The following DLG2 variants were observed in gnomAD, a reference collection of about 807,000 sequenced individuals.
The protein encoded by DLG2 is discs large MAGUK scaffold protein 2.
A neutral mutation model predicts 132.5 loss-of-function variants in DLG2; 45 were observed. The ratio of observed to expected loss-of-function variants is 0.34; its 90% CI spans 0.27 to 0.44. DLG2 has a LOEUF of 0.44. DLG2 is among the 20% of genes least tolerant of loss of function. The pLI is 1.00. For synonymous variants in DLG2, 424 were observed against 419.6 expected (o/e 1.01, Z -0.13); for missense variants, 1,045 against 1,196.9 (o/e 0.87, Z 1.87).
chr11:83,886,036 T>C (rs938672195), intron 15 of DLG2, among the ~76,000 whole-genome samples: 3 of 152,132 alleles, frequency 2.0e-5, no homozygotes, highest in Non-Finnish European at 2.9e-5. Context: ...AGAAACTGCA[T>C]CAACTAACGA....
intron 3 of DLG2, among the ~76,000 whole-genome samples, chr11:85,315,151 G>A (rs1056509045): frequency 6.6e-6 from 1 of 152,014 alleles, no homozygotes; most frequent in Non-Finnish European, 1.5e-5. Context: ...AAGGAATTAA[G>A]TAACAGCACC....
chr11:84,251,252 C>G lies in DLG2; in HGVS notation c.559G>C (p.Asp187His). ...APIIVNTDTL[D>H]TIPYVNGTEI... ...AAGTTACTTACATAAGGAATTGTGTCCAAAGTATCTGTGTTGACAATTATA... is the reference window on the plus strand; with the variant it reads ...AAGTTACTTACATAAGGAATTGTGTGCAAAGTATCTGTGTTGACAATTATA... The change falls in exon 8 of 28, where the codon GAC becomes CAC. Residue 187 changes from aspartate to histidine, a missense_variant. This residue lies in a region of DLG2 where 277 missense variants were observed against 238.2 expected (regional missense o/e 1.16). Transcript: ENST00000376104. 2 of 1,584,176 alleles carry G rather than the reference C, an allele frequency of 1.3e-6. No homozygotes were observed. Among genetic ancestry groups the G allele is most frequent in the South Asian group, 1.2e-5 (1 of 83,882 alleles).
intron 21 of DLG2, among the ~76,000 whole-genome samples, chr11:83,520,864 C>T (rs2095462132): frequency 6.6e-6 from 1 of 152,206 alleles, no homozygotes; most frequent in Non-Finnish European, 1.5e-5. Context: ...ACATGTCCCA[C>T]TTTACATAGG....
chr11:85,071,552 T>C (rs1333456578), intron 6 of DLG2, among the ~76,000 whole-genome samples: 1 of 151,860 alleles, frequency 6.6e-6, no homozygotes, highest in Non-Finnish European at 1.5e-5. Context: ...AATATAAACC[T>C]TACTTTCTCT....
intron 3 of DLG2, among the ~76,000 whole-genome samples, chr11:85,584,452 T>C (rs2078834888): frequency 6.6e-6 from 1 of 152,098 alleles, no homozygotes; most frequent in South Asian, 2.1e-4. Context: ...AGTTATAAAT[T>C]GTGCTGCTAT....
chr11:84,688,515 C>T (rs7105836), intron 6 of DLG2, among the ~76,000 whole-genome samples: 18,211 of 152,128 alleles, frequency 0.12, 1,363 homozygotes, highest in African/African-American at 0.2. Context: ...TGAGCCCTTG[C>T]TCCCTTCCAA....
intron 7 of DLG2, among the ~76,000 whole-genome samples, chr11:84,529,552 A>C (rs1039343563): frequency 6.6e-6 from 1 of 152,194 alleles, no homozygotes; most frequent in African/African-American, 2.4e-5. Flanking sequence ...AATAGCCACA[A>C]AAAGAATAAA....
intron 7 of DLG2, among the ~76,000 whole-genome samples, chr11:84,312,984 G>T (rs2098305392): frequency 6.6e-6 from 1 of 150,426 alleles, no homozygotes; most frequent in Non-Finnish European, 1.5e-5. Flanking sequence ...CAATTTTTTT[G>T]TATTTTTAGT....
intron 3 of DLG2, among the ~76,000 whole-genome samples, chr11:85,515,253 T>A (rs183066041): frequency 3.4e-4 from 51 of 152,090 alleles, no homozygotes; most frequent in African/African-American, 1.2e-3. Context: ...ATATCTTGTT[T>A]ATACGACACA....
chr11:84,373,249 CAA>C (rs1397733901), intron 7 of DLG2, among the ~76,000 whole-genome samples: 1 of 41,664 alleles, frequency 2.4e-5, no homozygotes, highest in African/African-American at 1.3e-4. Flanking sequence ...AAGAAACAGT[CAA>C]AAAAAAAAAA....
At chr11:84,907,371 T>C (rs774332242) in intron 6 of DLG2, among the ~76,000 whole-genome samples, 6 of 152,108 alleles carry the variant, frequency 3.9e-5, no homozygotes, top group Admixed American at 2.0e-4. Flanking sequence ...TTTAATGAAA[T>C]TGAATAACAA....
chr11:84,044,511 C>T (rs1566189981), intron 11 of DLG2, among the ~76,000 whole-genome samples: 1 of 151,528 alleles, frequency 6.6e-6, no homozygotes, highest in Non-Finnish European at 1.5e-5. Context: ...CATTTTGTGC[C>T]TGAGCAATAG....
chr11:85,206,772 G>T (rs1250110422), intron 4 of DLG2, among the ~76,000 whole-genome samples: 3 of 152,086 alleles, frequency 2.0e-5, no homozygotes, highest in South Asian at 4.1e-4. Context: ...GGCAGAGCTT[G>T]CAGTGAGACG....
intron 6 of DLG2, among the ~76,000 whole-genome samples, chr11:84,581,135 T>A (rs186543780): frequency 1.9e-4 from 29 of 152,314 alleles, no homozygotes; most frequent in African/African-American, 6.0e-4. Flanking sequence ...TTACAAATAT[T>A]TGACGAATTG....
At chr11:84,402,245 A>G (rs538963102) in intron 7 of DLG2, among the ~76,000 whole-genome samples, 48 of 152,340 alleles carry the variant, frequency 3.2e-4, no homozygotes, top group South Asian at 1.9e-3. Context: ...CCAGTAGGCT[A>G]GTATTTTAAG....
intron 6 of DLG2, among the ~76,000 whole-genome samples, chr11:85,007,404 T>G (rs1412898520): frequency 2.0e-5 from 3 of 151,978 alleles, no homozygotes; most frequent in African/African-American, 7.2e-5. Flanking sequence ...CTCACGCCTG[T>G]AATCCCAGCA....
chr11:83,751,804 C>G (rs944596149), intron 18 of DLG2, among the ~76,000 whole-genome samples: 2 of 152,130 alleles, frequency 1.3e-5, no homozygotes, highest in African/African-American at 4.8e-5. Flanking sequence ...AAGATACTTA[C>G]TAGACATTTA....
rs924312231 is a variant in DLG2 at position 84,486,851 on chromosome 11, C to G, written c.519+47719G>C. On this transcript the variant is annotated intron_variant, in intron 7 of 27. Coordinates refer to ENST00000376104, the MANE Select transcript of DLG2 (RefSeq NM_001142699.3). ...ATTGAACATATAAAGATATTCAAGACCCTGGCTCTGAGTATGTTGCTAGCA... is the reference window on the plus strand; with the variant it reads ...ATTGAACATATAAAGATATTCAAGAGCCTGGCTCTGAGTATGTTGCTAGCA... 3.9e-5 allele frequency among the ~76,000 whole-genome samples: 6 copies of G among 151,996 alleles called. No individual in the cohort carries two copies. In the South Asian group the frequency reaches 1.2e-3, roughly 32 times the overall value.
intron 6 of DLG2, among the ~76,000 whole-genome samples, chr11:84,949,673 G>A (rs920612063): frequency 7.2e-5 from 11 of 152,154 alleles, no homozygotes; most frequent in African/African-American, 2.2e-4. Flanking sequence ...CTGGCTCACC[G>A]GCAGTCAGAG....
Sources: gnomAD v4.1 joint callset for allele counts (sites outside exome capture counted in the v4.1 genomes callset) on GRCh38, gnomAD v4.1.1 for gene constraint, gnomAD v4.1.1 regional missense constraint, MANE v1.5 for transcripts, NCBI Gene and HGNC (gene_info 2026-07-23, HGNC 2026-07-21) for gene names.